GARRE1: variants seen among roughly 807,000 people sequenced by gnomAD.
The protein encoded by GARRE1 is granule associated Rac and RHOG effector 1, also known as granule associated Rac and RHOG effector protein 1.
A neutral mutation model predicts 103.2 loss-of-function variants in GARRE1; 49 were observed. The ratio of observed to expected loss-of-function variants is 0.47; its 90% CI spans 0.38 to 0.60. The LOEUF (loss-of-function observed/expected upper bound fraction) is 0.60, where lower values mean the gene tolerates loss of function less well. GARRE1 is among the 20% of genes least tolerant of loss of function. The pLI, the probability that GARRE1 is intolerant of heterozygous loss-of-function variation, is 0.00. For missense variants in GARRE1, 1,199 were observed against 1,370.5 expected, an observed-to-expected ratio of 0.87 and a Z score of 1.98; for synonymous variants, 505 against 532.8, an observed-to-expected ratio of 0.95 and a Z score of 0.72.
At chr19:34,260,208 A>G (rs1193036507) in intron 1 of GARRE1, among the ~76,000 whole-genome samples, 3 of 152,228 alleles carry the variant, frequency 2.0e-5, no homozygotes, top group Non-Finnish European at 4.4e-5. Flanking sequence ...CAAAAAGTTT[A>G]CCACTTGCTG....
intron 1 of GARRE1, among the ~76,000 whole-genome samples, chr19:34,282,630 A>G (rs756718055): frequency 6.6e-6 from 1 of 152,152 alleles, no homozygotes; most frequent in Non-Finnish European, 1.5e-5. Flanking sequence ...ATCCTTATCA[A>G]TGAAGAACTG....
intron 8 of GARRE1, among the ~76,000 whole-genome samples, chr19:34,334,564 T>G (rs1191983268): frequency 6.6e-6 from 1 of 151,162 alleles, no homozygotes; most frequent in Non-Finnish European, 1.5e-5. Flanking sequence ...CCAGGCATGG[T>G]GGTGGGTGCC....
At chr19:34,320,968 T>C (rs2074085185) in intron 3 of GARRE1, among the ~76,000 whole-genome samples, 1 of 147,946 alleles carries the variant, frequency 6.8e-6, no homozygotes, top group Non-Finnish European at 1.5e-5. Context: ...GGTCTTGAGC[T>C]ACTGGGCTCA....
At chr19:34,297,107 C>T (rs575406911) in intron 1 of GARRE1, among the ~76,000 whole-genome samples, 4 of 152,110 alleles carry the variant, frequency 2.6e-5, no homozygotes, top group East Asian at 1.9e-4. Flanking sequence ...GCCAATATGG[C>T]GAAACCTCAT....
chr19:34,348,054 G>T lies in GARRE1; in HGVS notation c.2687+12G>T. 1 of 1,411,682 alleles carries T rather than the reference G, an allele frequency of 7.1e-7. No individual in the cohort carries two copies. The allele number at this position is 1,411,682 out of a possible 1,614,324, so 87.4% of individuals were successfully genotyped here. ...TTCTTCACAGAAGGGTGAGTGCTGG[G>T]TACTTCAGGGAATCTGAGCTTGAGA... On this transcript the variant is annotated intron_variant, in intron 11 of 13. Coordinates refer to ENST00000299505, the MANE Select transcript of GARRE1 (RefSeq NM_014686.5).
chr19:34,349,030 G>C lies in GARRE1; in HGVS notation c.2702G>C (p.Gly901Ala). 1 of 1,611,552 alleles carries C rather than the reference G, an allele frequency of 6.2e-7. No homozygotes were observed. Among genetic ancestry groups the C allele is most frequent in the Non-Finnish European group, 8.5e-7 (1 of 1,179,994 alleles). Residue 901 changes from glycine (G) to alanine (A), a missense_variant, in exon 12 of 14, where the codon GGT (glycine) becomes GCT (alanine). By Grantham distance (60) the Gly-to-Ala change is moderately conservative (BLOSUM62 0). Coordinates refer to ENST00000299505, the MANE Select transcript of GARRE1 (RefSeq NM_014686.5). ...EFFTEGDGLH[G>A]GWSGAQGDSA... The stretch of plus-strand genomic sequence containing the variant: ...CTGGCTTTCAGGGATGGCCTGCACG[G>C]TGGCTGGTCGGGTGCTCAGGGAGAC...
At chr19:34,277,597 A>G (rs2073824317) in intron 1 of GARRE1, among the ~76,000 whole-genome samples, 1 of 152,166 alleles carries the variant, frequency 6.6e-6, no homozygotes, top group African/African-American at 2.4e-5. Context: ...ATTTTGTCAC[A>G]ATGATAGGCA....
Position 34,354,700 on chromosome 19 carries a change from ATATGTATG to A in GARRE1, c.*1760_*1767del, listed in dbSNP as rs552600352. On this transcript the variant is annotated 3_prime_UTR_variant, in exon 14 of 14. Coordinates refer to ENST00000299505, the MANE Select transcript of GARRE1 (RefSeq NM_014686.5). ...AAGAAAAAAAAAAAAGAATATATAT[ATATGTATG>A]TATGTATGTATGTAAACACACACAC... is the stretch of plus-strand genomic sequence containing the variant. The A allele has an allele frequency of 2.7e-4, 41 of 152,340 alleles. No individual in the cohort carries two copies. The highest frequency in any genetic ancestry group is 9.4e-4 in the African/African-American group (39 of 41,448). 9.4% of individuals were successfully genotyped at this position (152,340 alleles called of 1,614,324 possible).
chr19:34,351,700 G>A (rs937680820), intron 13 of GARRE1, 108 bp downstream of exon 13: 15 of 786,528 alleles, frequency 1.9e-5, no homozygotes, highest in Middle Eastern at 2.4e-4. Context: ...TTAATTTTGT[G>A]TAAATGATTA....
rs140164631 is a variant in GARRE1, at chr19:34,318,899, G to A, written c.496-1008G>A. Among the ~76,000 whole-genome samples, 1,357 of 152,202 alleles carry A rather than the reference G, an allele frequency of 8.9e-3. 10 individuals are homozygous for A. The highest frequency in any genetic ancestry group is 0.015 in the Non-Finnish European group (1,048 of 68,008). ...TCCACTAAAAATACAAAAATTAGCC[G>A]GGTGTGATAGTGCACCGAGGTCAGA... On this transcript the variant is annotated intron_variant, in intron 2 of 13. Transcript: ENST00000299505.
At chr19:34,267,579 C>A (rs762866170) in intron 1 of GARRE1, among the ~76,000 whole-genome samples, 2 of 152,100 alleles carry the variant, frequency 1.3e-5, no homozygotes, top group Non-Finnish European at 2.9e-5. Flanking sequence ...AAATAACTTT[C>A]TAATGGACAC....
chr19:34,320,428 G>A (rs1208453091), intron 3 of GARRE1, among the ~76,000 whole-genome samples: 1 of 152,208 alleles, frequency 6.6e-6, no homozygotes, highest in East Asian at 1.9e-4. Flanking sequence ...TCTCTGAACG[G>A]TAGTGCTGCA....
intron 1 of GARRE1, among the ~76,000 whole-genome samples, chr19:34,293,172 C>T (rs75537756): frequency 6.6e-6 from 1 of 152,282 alleles, no homozygotes; most frequent in East Asian, 1.9e-4. Context: ...TTAAGTTGCT[C>T]TCTAAACAGT....
rs187590260 is a variant in GARRE1, at chr19:34,282,115, T to G, written c.-795-17564T>G. ...ATTTCTTATTTCCAAGAATTCATTGTTGATTTCTACTTCCTTTATGATTTG... is the reference window on the plus strand; with the variant it reads ...ATTTCTTATTTCCAAGAATTCATTGGTGATTTCTACTTCCTTTATGATTTG... On this transcript the variant is annotated intron_variant, in intron 1 of 13. Transcript: ENST00000299505. Among the ~76,000 whole-genome samples the G allele has an allele frequency of 1.6e-3, 247 of 152,330 alleles. 2 individuals carry two copies. The highest frequency in any genetic ancestry group is 4.1e-3 in the African/African-American group (171 of 41,584).
At chr19:34,328,226 C>T (rs964836302) in intron 6 of GARRE1, 75 bp downstream of exon 6, 37 of 1,511,336 alleles carry the variant, frequency 2.4e-5, no homozygotes, top group African/African-American at 1.3e-4. Context: ...TAAAGGCTTG[C>T]GAAGGATGTA....
intron 1 of GARRE1, among the ~76,000 whole-genome samples, chr19:34,299,111 C>G (rs565621850): frequency 2.0e-5 from 3 of 152,336 alleles, no homozygotes; most frequent in East Asian, 1.9e-4. Flanking sequence ...TCCGACTGTC[C>G]CGTCCTACTT....
chr19:34,297,084 T>C (rs1278798231), intron 1 of GARRE1, among the ~76,000 whole-genome samples: 1 of 152,138 alleles, frequency 6.6e-6, no homozygotes. Context: ...GCCAGGAGTT[T>C]GAGACCGGCC....
At chr19:34,334,602 G>A (rs2074152195) in intron 8 of GARRE1, among the ~76,000 whole-genome samples, 1 of 151,750 alleles carries the variant, frequency 6.6e-6, no homozygotes. Context: ...AGGAAGCTGA[G>A]GCACAAGAAT....
chr19:34,322,242 G>A (rs1417269143), intron 3 of GARRE1, among the ~76,000 whole-genome samples: 1 of 152,090 alleles, frequency 6.6e-6, no homozygotes, highest in Non-Finnish European at 1.5e-5. Flanking sequence ...CGTGATCTTG[G>A]CTTACTGCAA....
Sources: gnomAD v4.1 joint callset for allele counts (sites outside exome capture counted in the v4.1 genomes callset) on GRCh38, gnomAD v4.1.1 for gene constraint, MANE v1.5 for transcripts, NCBI Gene and HGNC (gene_info 2026-07-23, HGNC 2026-07-21) for gene names.